KIAA1549L: variants seen among roughly 807,000 people sequenced by gnomAD.
KIAA1549L encodes UPF0606 protein KIAA1549L.
Under a neutral mutation model 160.7 loss-of-function variants are expected in KIAA1549L, and 88 were observed. That is an observed-to-expected ratio of 0.55 (90% CI 0.46 to 0.65). The LOEUF is 0.65. KIAA1549L is among the 30% of genes least tolerant of loss of function. KIAA1549L has a pLI of 0.00. For missense variants in KIAA1549L, 2,258 were observed against 2,437.5 expected (o/e 0.93, Z 1.55); for synonymous variants, 950 against 976.7 (o/e 0.97, Z 0.51).
rs115141407 is a variant in KIAA1549L, at chr11:33,627,674, G to A, written c.5409+9012G>A. ...TTTCTTTATTAGTCTTGCCAATAAA[G>A]AAACAATTAGTCTTGCTAATAAACA... is the stretch of plus-strand genomic sequence containing the variant. On this transcript the variant is annotated intron_variant, in intron 16 of 20. Transcript: ENST00000658780. 5.8e-3 allele frequency among the ~76,000 whole-genome samples: 880 copies of A among 152,008 alleles called. 12 individuals carry two copies. The highest frequency in any genetic ancestry group is 0.019 in the African/African-American group (805 of 41,476).
At chr11:33,524,664 T>TA (rs1420497831) in intron 1 of KIAA1549L, among the ~76,000 whole-genome samples, 7 of 152,288 alleles carry the variant, frequency 4.6e-5, no homozygotes, top group South Asian at 2.1e-4. Flanking sequence ...TTCTTTGACT[T>TA]AAAAAATATG....
intron 9 of KIAA1549L, among the ~76,000 whole-genome samples, chr11:33,573,372 C>T (rs565861761): frequency 3.8e-4 from 58 of 152,244 alleles, no homozygotes; most frequent in East Asian, 5.8e-4. Context: ...TTACCATCCA[C>T]GCCTGTATCT....
chr11:33,553,234 A>G (rs1275537590), intron 6 of KIAA1549L, among the ~76,000 whole-genome samples: 1 of 152,036 alleles, frequency 6.6e-6, no homozygotes, highest in African/African-American at 2.4e-5. Flanking sequence ...TCCTGGGCTC[A>G]AGCAATTCTC....
In KIAA1549L at chr11:33,654,117, T is replaced by C. The variant is rs865992575; in HGVS notation, c.5761-1895T>C. On this transcript the variant is annotated intron_variant, in intron 17 of 20. Transcript: ENST00000658780. ...CCTCCCGAGTAGCTGGGATTACAGG[T>C]GCGTGCCACCACGCCCAGCTAATTT... 9.2e-4 allele frequency among the ~76,000 whole-genome samples: 139 copies of C among 151,280 alleles called. 2 individuals are homozygous for C. In the Middle Eastern group the frequency reaches 0.01, roughly 11 times the overall value.
chr11:33,572,446 A>G (rs1855295316), intron 9 of KIAA1549L, among the ~76,000 whole-genome samples: 1 of 152,226 alleles, frequency 6.6e-6, no homozygotes, highest in Non-Finnish European at 1.5e-5. Flanking sequence ...TTGATTACAT[A>G]TATCATTTCC....
At position 33,671,776 on chromosome 11, in the gene KIAA1549L, C is replaced by G. The variant is rs1192063841; in HGVS notation, c.*3622C>G. ...TTTTTCTACATAGCACACAGGTGCT[C>G]AACATTTAATGAATAATATAACAGA... On this transcript the variant is annotated 3_prime_UTR_variant, in exon 21 of 21. Coordinates refer to ENST00000658780, the MANE Select transcript of KIAA1549L (RefSeq NM_012194.3). 6.6e-6 allele frequency: 1 copy of G among 152,102 alleles called. No homozygotes were observed. Among genetic ancestry groups the G allele is most frequent in the Non-Finnish European group, 1.5e-5 (1 of 68,030 alleles). 9.4% of individuals were successfully genotyped at this position (152,102 alleles called of 1,614,324 possible).
chr11:33,521,742 G>A (rs1853499596), intron 1 of KIAA1549L, among the ~76,000 whole-genome samples: 1 of 152,150 alleles, frequency 6.6e-6, no homozygotes, highest in African/African-American at 2.4e-5. Flanking sequence ...GCCACATGAC[G>A]AAAGTACCAG....
chr11:33,614,546 A>C (rs1564924615), intron 15 of KIAA1549L, among the ~76,000 whole-genome samples: 1,191 of 9,468 alleles, frequency 0.13, 236 homozygotes, highest in Non-Finnish European at 0.15. Flanking sequence ...ATATATATAT[A>C]TATATATATA....
At chr11:33,390,417 G>A (rs1850251494) in intron 1 of KIAA1549L, among the ~76,000 whole-genome samples, 1 of 152,124 alleles carries the variant, frequency 6.6e-6, no homozygotes, top group African/African-American at 2.4e-5. Flanking sequence ...CCTTGCACGG[G>A]GCTTTTCACT....
intron 9 of KIAA1549L, among the ~76,000 whole-genome samples, chr11:33,568,665 A>T: frequency 6.6e-6 from 1 of 152,180 alleles, no homozygotes. Flanking sequence ...TGTTACCTGT[A>T]TGTAGTCAGT....
chr11:33,517,548 C>A (rs937539059), intron 1 of KIAA1549L, among the ~76,000 whole-genome samples: 1 of 152,146 alleles, frequency 6.6e-6, no homozygotes, highest in Non-Finnish European at 1.5e-5. Flanking sequence ...GTGCCCTAAG[C>A]AAATGAGGAA....
At chr11:33,506,481 T>C (rs1420239598) in intron 1 of KIAA1549L, among the ~76,000 whole-genome samples, 2 of 152,102 alleles carry the variant, frequency 1.3e-5, no homozygotes, top group African/African-American at 4.8e-5. Context: ...ATATCAGCAC[T>C]TTGGGAGGTT....
At chr11:33,396,254 G>A (rs1191170856) in intron 1 of KIAA1549L, among the ~76,000 whole-genome samples, 3 of 152,102 alleles carry the variant, frequency 2.0e-5, no homozygotes, top group African/African-American at 7.2e-5. Flanking sequence ...TAATTGAAGG[G>A]GGCTACTGGA....
At chr11:33,657,137 G>A (rs937923138) in intron 18 of KIAA1549L, among the ~76,000 whole-genome samples, 2 of 143,998 alleles carry the variant, frequency 1.4e-5, no homozygotes, top group South Asian at 4.8e-4. Flanking sequence ...AGGGCTGTGG[G>A]AACAAGCAAG....
intron 1 of KIAA1549L, among the ~76,000 whole-genome samples, chr11:33,388,848 C>A (rs1024095793): frequency 3.3e-5 from 5 of 152,160 alleles, no homozygotes; most frequent in African/African-American, 1.2e-4. Context: ...TAAGAAAAAT[C>A]ATGGGCCCTT....
At chr11:33,646,927 G>C (rs12577755) in intron 17 of KIAA1549L, among the ~76,000 whole-genome samples, 5,104 of 151,892 alleles carry the variant, frequency 0.034, 202 homozygotes, top group East Asian at 0.19. Flanking sequence ...AAAAAAATCT[G>C]TTATTTAGGT....
At chr11:33,648,434 C>G (rs886253339) in intron 17 of KIAA1549L, among the ~76,000 whole-genome samples, 3 of 151,314 alleles carry the variant, frequency 2.0e-5, no homozygotes, top group African/African-American at 7.3e-5. Context: ...TTAACCCAAG[C>G]TCATGCAGAG....
At chr11:33,387,868 T>A (rs1850203471) in intron 1 of KIAA1549L, among the ~76,000 whole-genome samples, 1 of 152,204 alleles carries the variant, frequency 6.6e-6, no homozygotes, top group Admixed American at 6.5e-5. Flanking sequence ...CCATCTGCAT[T>A]TCCTGCTTCT....
chr11:33,568,349 CA>C (rs1398643811), intron 9 of KIAA1549L, 122 bp downstream of exon 9: 2 of 890,954 alleles, frequency 2.2e-6, no homozygotes, highest in African/African-American at 3.5e-5. Context: ...CTGACTAAGC[CA>C]TTTTATCAAG....
Sources: gnomAD v4.1 joint callset for allele counts (sites outside exome capture counted in the v4.1 genomes callset) on GRCh38, gnomAD v4.1.1 for gene constraint, MANE v1.5 for transcripts, NCBI Gene and HGNC (gene_info 2026-07-23, HGNC 2026-07-21) for gene names.